RAP1A: variants seen among roughly 807,000 people sequenced by gnomAD.
RAP1A encodes the protein ras-related protein Rap-1A.
RAP1A carries 6 observed loss-of-function variants against 26.4 expected under a neutral mutation model. That is an observed-to-expected ratio of 0.23 (90% CI 0.12 to 0.45). The LOEUF (loss-of-function observed/expected upper bound fraction) is 0.45. Ranked by LOEUF, RAP1A falls within the 20% of genes least tolerant of loss-of-function variation. The pLI is 0.99. For missense variants in RAP1A, 121 were observed against 217.2 expected (o/e 0.56, Z 2.78); for synonymous variants, 73 against 79.4 (o/e 0.92, Z 0.43).
chr1:111,572,298 C>T (rs541799992), intron 1 of RAP1A, among the ~76,000 whole-genome samples: 1 of 152,358 alleles, frequency 6.6e-6, no homozygotes, highest in African/African-American at 2.4e-5. Flanking sequence ...ATTGCCTGGG[C>T]CACCCCACAG....
chr1:111,604,886 C>T (rs953174252), intron 1 of RAP1A, among the ~76,000 whole-genome samples: 4 of 152,196 alleles, frequency 2.6e-5, no homozygotes, highest in African/African-American at 7.2e-5. Flanking sequence ...ATTCGGCCAC[C>T]ACTCTGCCTC....
chr1:111,610,569 CA>C (rs1557864909), intron 1 of RAP1A, among the ~76,000 whole-genome samples: 7 of 151,384 alleles, frequency 4.6e-5, no homozygotes, highest in South Asian at 2.1e-4. Flanking sequence ...CACACACACA[CA>C]CACACACACA....
intron 1 of RAP1A, among the ~76,000 whole-genome samples, chr1:111,673,191 T>G (rs549620702): frequency 2.0e-5 from 3 of 152,362 alleles, no homozygotes; most frequent in South Asian, 2.1e-4. Context: ...TTACCATGAT[T>G]TCCATATTCA....
chr1:111,558,480 C>T (rs1010193930), intron 1 of RAP1A, among the ~76,000 whole-genome samples: 13 of 152,104 alleles, frequency 8.5e-5, no homozygotes, highest in Non-Finnish European at 1.9e-4. Context: ...AGCCAAAGCA[C>T]CTGGAGGGAA....
intron 1 of RAP1A, among the ~76,000 whole-genome samples, chr1:111,557,492 G>A (rs1657546203): frequency 2.0e-5 from 3 of 151,658 alleles, no homozygotes; most frequent in Admixed American, 2.0e-4. Context: ...GGAGGTTGCA[G>A]TGAGCCGAGA....
chr1:111,641,698 T>C (rs1037721484), intron 1 of RAP1A, among the ~76,000 whole-genome samples: 9 of 152,306 alleles, frequency 5.9e-5, no homozygotes, highest in African/African-American at 1.9e-4. Flanking sequence ...CTCTAAGAAA[T>C]GTACCACCAC....
intron 1 of RAP1A, among the ~76,000 whole-genome samples, chr1:111,677,400 T>C (rs1420232664): frequency 6.6e-6 from 1 of 152,220 alleles, no homozygotes; most frequent in African/African-American, 2.4e-5. Flanking sequence ...GATCTATTGC[T>C]CTGTAACCAA....
intron 1 of RAP1A, among the ~76,000 whole-genome samples, chr1:111,606,417 T>C (rs1658780216): frequency 6.6e-6 from 1 of 152,204 alleles, no homozygotes; most frequent in African/African-American, 2.4e-5. Context: ...CTTATTCTCC[T>C]GGCAAATAGC....
intron 1 of RAP1A, among the ~76,000 whole-genome samples, chr1:111,688,810 T>TG (rs936502366): frequency 8.1e-6 from 1 of 124,148 alleles, no homozygotes; most frequent in African/African-American, 3.2e-5. Context: ...TTGTTTTTGT[T>TG]TTTTTTTTTT....
chr1:111,607,872 C>T (rs1384943241), intron 1 of RAP1A, among the ~76,000 whole-genome samples: 1 of 122,284 alleles, frequency 8.2e-6, no homozygotes, highest in African/African-American at 3.3e-5. Flanking sequence ...GGGCCTGACC[C>T]CCCCCACCTC....
chr1:111,569,432 G>A (rs1470938463), intron 1 of RAP1A, among the ~76,000 whole-genome samples: 1 of 150,366 alleles, frequency 6.7e-6, no homozygotes, highest in Non-Finnish European at 1.5e-5. Context: ...ATTTCCGACC[G>A]TGCCAGGGGT....
At chr1:111,600,336 A>G (rs1014319999) in intron 1 of RAP1A, among the ~76,000 whole-genome samples, 3 of 152,154 alleles carry the variant, frequency 2.0e-5, no homozygotes. Flanking sequence ...AACAAACTAG[A>G]TATTCTACCA....
intron 1 of RAP1A, among the ~76,000 whole-genome samples, chr1:111,634,993 A>G (rs1484785251): frequency 6.6e-6 from 1 of 152,206 alleles, no homozygotes; most frequent in South Asian, 2.1e-4. Flanking sequence ...AATTCATTAT[A>G]GAGTATGAAA....
intron 1 of RAP1A, among the ~76,000 whole-genome samples, chr1:111,571,050 G>A (rs1658038524): frequency 6.6e-6 from 1 of 152,186 alleles, no homozygotes; most frequent in African/African-American, 2.4e-5. Flanking sequence ...CCCCACTTCA[G>A]GTGCCCAGGC....
chr1:111,641,600 A>G (rs1039205070), intron 1 of RAP1A, among the ~76,000 whole-genome samples: 3 of 151,916 alleles, frequency 2.0e-5, no homozygotes. Flanking sequence ...CATCTTCCTC[A>G]GTTTCTCTAT....
At chr1:111,552,374 A>T (rs973834361) in intron 1 of RAP1A, among the ~76,000 whole-genome samples, 5 of 152,214 alleles carry the variant, frequency 3.3e-5, no homozygotes, top group African/African-American at 4.8e-5. Flanking sequence ...TGTCCCTCCT[A>T]TGAAGACTCA....
At chr1:111,649,377 T>C (rs1660186594) in intron 1 of RAP1A, 13 of 379,922 alleles carry the variant, frequency 3.4e-5, no homozygotes, top group South Asian at 2.8e-4. Context: ...CGGCCATCCC[T>C]GCAGCCAGAC....
At chr1:111,619,644 A>C, upstream of RAP1A, 1 of 389,646 alleles carries the variant, frequency 2.6e-6, no homozygotes, top group Non-Finnish European at 4.5e-6. Context: ...TCCCGGCTCC[A>C]GTGTGCGCGG....
At chr1:111,543,233 G>C (rs1656908996) in intron 1 of RAP1A, among the ~76,000 whole-genome samples, 1 of 152,134 alleles carries the variant, frequency 6.6e-6, no homozygotes, top group Admixed American at 6.5e-5. Context: ...CAGTGATTCT[G>C]TGTGAACTCT....
Sources: gnomAD v4.1 joint callset for allele counts (sites outside exome capture counted in the v4.1 genomes callset) on GRCh38, gnomAD v4.1.1 for gene constraint, MANE v1.5 for transcripts, NCBI Gene and HGNC (gene_info 2026-07-23, HGNC 2026-07-21) for gene names.